The following PDE1C variants were observed in gnomAD, a reference collection of about 807,000 sequenced individuals.
PDE1C encodes dual specificity calcium/calmodulin-dependent 3',5'-cyclic nucleotide phosphodiesterase 1C.
Under a neutral mutation model 93.1 loss-of-function variants are expected in PDE1C, and 62 were observed. The ratio of observed to expected loss-of-function variants is 0.67; its 90% CI spans 0.54 to 0.82. The LOEUF (loss-of-function observed/expected upper bound fraction) is 0.82, where lower values mean the gene tolerates loss of function less well. Ranked by LOEUF, PDE1C falls within the 40% of genes least tolerant of loss-of-function variation. PDE1C has a pLI of 0.00. For synonymous variants in PDE1C, 325 were observed against 310.1 expected (o/e 1.05, Z -0.50); for missense variants, 742 against 884.6 (o/e 0.84, Z 2.04).
At chr7:32,365,518 T>C (rs751443523) in intron 1 of PDE1C, among the ~76,000 whole-genome samples, 26 of 152,072 alleles carry the variant, frequency 1.7e-4, no homozygotes, top group Non-Finnish European at 2.8e-4. Context: ...CGAGAAGATA[T>C]GCAACCATAT....
intron 2 of PDE1C, among the ~76,000 whole-genome samples, chr7:31,945,479 G>T (rs1027198898): frequency 6.6e-6 from 1 of 151,884 alleles, no homozygotes; most frequent in Admixed American, 6.6e-5. Flanking sequence ...ATTTATGAAG[G>T]ATAATTTCAC....
chr7:31,665,664 A>C, the PDE1C span, among the ~76,000 whole-genome samples: 1 of 152,138 alleles, frequency 6.6e-6, no homozygotes, highest in Admixed American at 6.6e-5. Context: ...AATTAGTTTG[A>C]TCTCTCCTGT....
intron 1 of PDE1C, among the ~76,000 whole-genome samples, chr7:32,064,209 G>A (rs959771174): frequency 2.0e-5 from 3 of 152,128 alleles, no homozygotes; most frequent in Admixed American, 1.3e-4. Context: ...CACCACTCCA[G>A]GCCAAAGGTC....
At chr7:31,800,911 T>C (rs1424796809) in intron 16 of PDE1C, among the ~76,000 whole-genome samples, 1 of 151,256 alleles carries the variant, frequency 6.6e-6, no homozygotes, top group African/African-American at 2.4e-5. Context: ...CTTAGGTCAA[T>C]GTAGATACCA....
At chr7:32,291,771 C>G (rs527576627) in intron 1 of PDE1C, among the ~76,000 whole-genome samples, 1 of 152,222 alleles carries the variant, frequency 6.6e-6, no homozygotes, top group African/African-American at 2.4e-5. Flanking sequence ...CAGCATCTCA[C>G]CTACTCTGAG....
chr7:32,256,473 A>G (rs1321810864), intron 1 of PDE1C, among the ~76,000 whole-genome samples: 1 of 152,154 alleles, frequency 6.6e-6, no homozygotes, highest in African/African-American at 2.4e-5. Flanking sequence ...CCTCCAAAGC[A>G]TAAGTGCAAG....
At chr7:32,165,605 C>T (rs1802196595) in intron 3 of PDE1C, among the ~76,000 whole-genome samples, 1 of 152,124 alleles carries the variant, frequency 6.6e-6, no homozygotes, top group African/African-American at 2.4e-5. Context: ...ATGAAACCAT[C>T]AGATCTTGTG....
At position 32,192,734 on chromosome 7, in the gene PDE1C, G is replaced by C. The variant is rs145911314; in HGVS notation, c.136+16755C>G. On this transcript the variant is annotated intron_variant, in intron 2 of 18. Coordinates refer to the PDE1C transcript ENST00000396193. Reference sequence around the variant, plus strand: ...ATATAAAAAATCTTGCTGGGATCTTGATAGAAATTGTGTTAAATCTGCATA... The same window carrying C: ...ATATAAAAAATCTTGCTGGGATCTTCATAGAAATTGTGTTAAATCTGCATA... Among the ~76,000 whole-genome samples the C allele has an allele frequency of 7.2e-3, 1,099 of 152,154 alleles. 15 individuals carry two copies. The highest frequency in any genetic ancestry group is 0.025 in the African/African-American group (1,044 of 41,526).
intron 17 of PDE1C, among the ~76,000 whole-genome samples, chr7:31,763,047 T>C (rs73314936): frequency 1.5e-3 from 232 of 152,260 alleles, no homozygotes; most frequent in African/African-American, 5.3e-3. Context: ...TCTGAAGTAA[T>C]TGATCACCCT....
chr7:31,954,075 G>A (rs1199158032), intron 2 of PDE1C, among the ~76,000 whole-genome samples: 2 of 152,224 alleles, frequency 1.3e-5, no homozygotes, highest in African/African-American at 2.4e-5. Context: ...TCCTATTTGT[G>A]TAGCCAAGTG....
intron 2 of PDE1C, among the ~76,000 whole-genome samples, chr7:32,013,903 A>G (rs30553): frequency 6.6e-6 from 1 of 152,260 alleles, no homozygotes; most frequent in Non-Finnish European, 1.5e-5. Context: ...GCCTTCCTCA[A>G]CTGCAGTTGG....
At chr7:32,327,066 A>C (rs1049222242) in intron 1 of PDE1C, among the ~76,000 whole-genome samples, 1 of 152,168 alleles carries the variant, frequency 6.6e-6, no homozygotes, top group African/African-American at 2.4e-5. Flanking sequence ...CTTGCTCACA[A>C]GACACATATG....
At chr7:32,407,442 C>T (rs551006723) in intron 1 of PDE1C, among the ~76,000 whole-genome samples, 4 of 152,282 alleles carry the variant, frequency 2.6e-5, no homozygotes, top group South Asian at 2.1e-4. Context: ...CAGTATTGCA[C>T]AGGCCTCTTT....
In PDE1C at chr7:32,037,694, C is replaced by T. The variant is rs151198605; in HGVS notation, c.128+13860G>A. 1.2e-4 allele frequency among the ~76,000 whole-genome samples: 19 copies of T among 152,246 alleles called. No individual in the cohort carries two copies. The South Asian group carries it at 3.3e-3, about 27-fold the overall frequency. ...ATGACTTTGTACCTTTGTCAAATAA[C>T]TTATATTGAAATTACCTGTCTGGGT... On this transcript the variant is annotated intron_variant, in intron 2 of 17. Transcript: ENST00000396191.
the PDE1C span, among the ~76,000 whole-genome samples, chr7:31,639,545 T>TG: frequency 6.1e-3 from 42 of 6,858 alleles, 1 homozygote; most frequent in African/African-American, 0.065. Context: ...TTTGTTTTTT[T>TG]TTTTTTTTTG....
At chr7:31,656,568 C>G in the PDE1C span, 1 of 740,522 alleles carries the variant, frequency 1.4e-6, no homozygotes, top group Non-Finnish European at 1.6e-6. Context: ...AGAATATTAC[C>G]TACCGCTTGA....
chr7:32,102,216 G>T (rs115186249), intron 3 of PDE1C, among the ~76,000 whole-genome samples: 9 of 152,204 alleles, frequency 5.9e-5, no homozygotes, highest in African/African-American at 2.2e-4. Flanking sequence ...TCCTTCTTCC[G>T]TCTTGTTTGT....
At chr7:32,222,187 G>T (rs966351048) in intron 1 of PDE1C, among the ~76,000 whole-genome samples, 3 of 152,092 alleles carry the variant, frequency 2.0e-5, no homozygotes, top group Non-Finnish European at 4.4e-5. Context: ...ATCAGATCAG[G>T]CATGCACTGT....
intron 3 of PDE1C, among the ~76,000 whole-genome samples, chr7:32,112,842 GTGTGTATATATATATA>G (rs1798743167): frequency 2.0e-5 from 1 of 50,668 alleles, no homozygotes; most frequent in African/African-American, 9.5e-5. Context: ...GTGTGTGTGT[GTGTGTATATATATATA>G]TATATATATA....
Sources: allele counts gnomAD v4.1 joint callset (sites outside exome capture counted in the v4.1 genomes callset), GRCh38; gene constraint gnomAD v4.1.1; transcripts MANE v1.5; gene names NCBI Gene and HGNC (gene_info 2026-07-23, HGNC 2026-07-21).